The following PCNT variants were observed in gnomAD, a reference collection of about 807,000 sequenced individuals.
PCNT encodes the protein pericentrin.
Under a neutral mutation model 380.4 loss-of-function variants are expected in PCNT, and 319 were observed. The observed-to-expected ratio is 0.84, with a 90% CI of 0.77 to 0.92. The LOEUF (loss-of-function observed/expected upper bound fraction) is 0.92. Ranked by LOEUF, PCNT falls within the 40% of genes least tolerant of loss-of-function variation. The pLI, the probability that PCNT is intolerant of heterozygous loss-of-function variation, is 0.00. For synonymous variants in PCNT, 1,845 were observed against 1,735.2 expected (o/e 1.06, Z -1.57); for missense variants, 4,400 against 4,255.3 (o/e 1.03, Z -0.95).
intron 1 of PCNT, chr21:46,324,783 C>T (rs1004397209): frequency 8.0e-6 from 6 of 754,050 alleles, no homozygotes; most frequent in Non-Finnish European, 6.5e-6. Flanking sequence ...GGCCAGTTTC[C>T]TGCGCGGCCG....
At chr21:46,396,680 T>C (rs922467004) in intron 21 of PCNT, among the ~76,000 whole-genome samples, 1 of 152,200 alleles carries the variant, frequency 6.6e-6, no homozygotes, top group Non-Finnish European at 1.5e-5. Context: ...CTGGGCTCAC[T>C]GCAACCTCCA....
chr21:46,381,713 A>G lies in PCNT; in HGVS notation c.3185A>G (p.Lys1062Arg). 1 of 1,614,110 alleles carries G rather than the reference A, an allele frequency of 6.2e-7. No individual in the cohort carries two copies. The change falls in exon 16 of 47, where the codon AAG becomes AGG. Residue 1062 changes from lysine to arginine, a missense_variant. Transcript: ENST00000359568. ...GVHQGEFGSE[K>R]KTALHEKEET... ...GTACAGGGTGAATTTGGAAGTGAAA[A>G]GAAAACTGCTTTGCATGAAAAAGAG...
At chr21:46,336,405 C>CAT (rs2083736867) in intron 3 of PCNT, among the ~76,000 whole-genome samples, 1 of 152,202 alleles carries the variant, frequency 6.6e-6, no homozygotes, top group African/African-American at 2.4e-5. Flanking sequence ...GACCGGGTCT[C>CAT]ATTCTGTCCC....
At chr21:46,333,849 A>AG (rs961965223) in intron 2 of PCNT, among the ~76,000 whole-genome samples, 4 of 151,880 alleles carry the variant, frequency 2.6e-5, no homozygotes, top group Non-Finnish European at 4.4e-5. Context: ...AAAAAAAAAA[A>AG]AAAGTAGAAT....
At chr21:46,384,844 C>T (rs890185382) in intron 16 of PCNT, among the ~76,000 whole-genome samples, 2 of 151,912 alleles carry the variant, frequency 1.3e-5, no homozygotes, top group African/African-American at 2.4e-5. Flanking sequence ...CGGTGTTGTG[C>T]GTTCAGTGGC....
Position 46,416,285 on chromosome 21 carries a change from T to C in PCNT, c.6367T>C (p.Ser2123Pro). 6.2e-7 allele frequency: 1 copy of C among 1,614,084 alleles called. No homozygotes were observed. The highest frequency in any genetic ancestry group is 8.5e-7 in the Non-Finnish European group (1 of 1,180,004). The change falls in exon 30 of 47, where the codon TCA becomes CCA. Residue 2123 changes from serine (S) to proline (P), a missense_variant. Coordinates refer to ENST00000359568, the MANE Select transcript of PCNT (RefSeq NM_006031.6). ...CTGTGACGGAGAAGAGCCTGACATA[T>C]CACCCCACATAGACACATGTGATGC... The part of the protein sequence containing the change: ...DSCDGEEPDI[S>P]PHIDTCDANT...
intron 3 of PCNT, 106 bp downstream of exon 3, chr21:46,334,874 T>C (rs1361505225): frequency 1.9e-6 from 3 of 1,543,862 alleles, no homozygotes; most frequent in Non-Finnish European, 2.7e-6. Context: ...AGGGCCTCTC[T>C]TTAGAAGTGG....
At position 46,388,632 on chromosome 21, in the gene PCNT, C is replaced by A; in HGVS notation, c.3465-110C>A. On this transcript the variant is annotated intron_variant, in intron 17 of 46. Transcript: ENST00000359568. The surrounding 1 kb of genome is among the most constrained non-coding windows in gnomAD (Gnocchi z 4.2). The stretch of plus-strand genomic sequence containing the variant: ...TGTCTTCCGGCCCCGTGGGGACAGG[C>A]AGCCGTGGGCCGAGGTGTGCAAACT... 7.3e-7 allele frequency: 1 copy of A among 1,375,342 alleles called. No individual in the cohort carries two copies. The highest frequency in any genetic ancestry group is 1.0e-6 in the Non-Finnish European group (1 of 977,138). 85.2% of individuals were successfully genotyped at this position (1,375,342 alleles called of 1,614,324 possible).
At chr21:46,351,733 T>C (rs1344663929) in intron 9 of PCNT, among the ~76,000 whole-genome samples, 193 bp downstream of exon 9, 2 of 152,234 alleles carry the variant, frequency 1.3e-5, no homozygotes, top group Non-Finnish European at 1.5e-5. Flanking sequence ...CCTGGTTTTA[T>C]GCTAAGCAAG....
At chr21:46,328,213 G>A (rs899221696) in intron 2 of PCNT, among the ~76,000 whole-genome samples, 1 of 149,826 alleles carries the variant, frequency 6.7e-6, no homozygotes, top group Non-Finnish European at 1.5e-5. Context: ...CCTGAATTTT[G>A]CTTTTTATCT....
intron 39 of PCNT, among the ~76,000 whole-genome samples, chr21:46,436,432 G>C (rs1308906129): frequency 7.7e-6 from 1 of 129,556 alleles, no homozygotes; most frequent in Non-Finnish European, 1.6e-5. Flanking sequence ...CTGTGTAGTT[G>C]CTCACCACCC....
chr21:46,420,213 C>T lies in PCNT; in HGVS notation c.7025-1757C>T, dbSNP rs370315311. 3.1e-3 allele frequency among the ~76,000 whole-genome samples: 477 copies of T among 152,312 alleles called. 3 individuals are homozygous for T. Among genetic ancestry groups the T allele is most frequent in the African/African-American group, 0.011 (455 of 41,564 alleles). ...GTGGAGGATTTCCTCCTCGTTCGTC[C>T]TTCCTCCATTCACGTATCCTATGAT... On this transcript the variant is annotated intron_variant, in intron 31 of 46. Coordinates refer to ENST00000359568, the MANE Select transcript of PCNT (RefSeq NM_006031.6).
chr21:46,435,350 C>T (rs1047546686), intron 38 of PCNT, among the ~76,000 whole-genome samples: 11 of 151,876 alleles, frequency 7.2e-5, no homozygotes, highest in Admixed American at 1.3e-4. Context: ...CTCAGCCTCC[C>T]GAGTAGCTGG....
intron 11 of PCNT, among the ~76,000 whole-genome samples, chr21:46,354,488 G>A (rs376691471): frequency 6.6e-6 from 1 of 152,230 alleles, no homozygotes; most frequent in Non-Finnish European, 1.5e-5. Flanking sequence ...CTTCTGTGGG[G>A]CAAACTGTCC....
chr21:46,432,226 C>T lies in PCNT; in HGVS notation c.8751+11C>T, dbSNP rs771629599. The T allele has an allele frequency of 1.2e-6, 2 of 1,601,848 alleles. No individual in the cohort carries two copies. The highest frequency in any genetic ancestry group is 2.2e-4 in the Middle Eastern group (1 of 4,610). The stretch of plus-strand genomic sequence containing the variant: ...GACAAGGAGAAGCTGGTGAGAGCCG[C>T]CTGCCGGCGGAGCGTCCACACCTAA... On this transcript the variant is annotated intron_variant, in intron 38 of 46. Transcript: ENST00000359568.
intron 13 of PCNT, among the ~76,000 whole-genome samples, chr21:46,360,104 G>A (rs529045618): frequency 3.3e-5 from 5 of 151,390 alleles, no homozygotes; most frequent in Non-Finnish European, 5.9e-5. Flanking sequence ...TGATCCACCC[G>A]CCTCGGCCTC....
chr21:46,439,803 G>T (rs576293133), intron 41 of PCNT, among the ~76,000 whole-genome samples: 1 of 152,150 alleles, frequency 6.6e-6, no homozygotes, highest in Non-Finnish European at 1.5e-5. Context: ...ATTTTACAAA[G>T]AATTGGTTTT....
intron 34 of PCNT, 102 bp downstream of exon 34, chr21:46,427,897 G>A: frequency 7.6e-7 from 1 of 1,311,216 alleles, no homozygotes. Flanking sequence ...CGGTTTGTGT[G>A]TTTCTCTCGA....
chr21:46,390,551 C>A, intron 19 of PCNT, 119 bp from the exon 20 acceptor site: 1 of 1,066,436 alleles, frequency 9.4e-7, no homozygotes, highest in Non-Finnish European at 1.5e-6. Flanking sequence ...CCTGGCCTGG[C>A]CCTGCCTGGG....
Sources: gnomAD v4.1 joint callset for allele counts (sites outside exome capture counted in the v4.1 genomes callset) on GRCh38, gnomAD v4.1.1 for gene constraint, Gnocchi (gnomAD v3.1) non-coding constraint, MANE v1.5 for transcripts, NCBI Gene and HGNC (gene_info 2026-07-23, HGNC 2026-07-21) for gene names.